The following NFASC variants were observed in gnomAD, a reference collection of about 807,000 sequenced individuals.
NFASC encodes neurofascin, also known as neurofascin homolog.
A neutral mutation model predicts 147.5 loss-of-function variants in NFASC; 43 were observed. The observed-to-expected ratio is 0.29, with a 90% CI of 0.23 to 0.38. NFASC has a LOEUF of 0.38. NFASC is among the 10% of genes least tolerant of loss of function. The probability of loss-of-function intolerance (pLI) is 1.00; values close to 1 mark genes in which losing one functional copy is unlikely to be tolerated. For synonymous variants in NFASC, 622 were observed against 665.5 expected, an observed-to-expected ratio of 0.93 and a Z score of 1.01; for missense variants, 1,320 against 1,689.0, an observed-to-expected ratio of 0.78 and a Z score of 3.83.
At position 204,981,933 on chromosome 1, in the gene NFASC, G is replaced by T. The variant is rs149978916; in HGVS notation, c.2383G>T (p.Val795Leu). 6.2e-7 allele frequency: 1 copy of T among 1,608,738 alleles called. No individual in the cohort carries two copies. Among genetic ancestry groups the T allele is most frequent in the African/African-American group, 1.3e-5 (1 of 74,688 alleles). The change falls in exon 21 of 30, where the codon GTG becomes TTG. Residue 795 changes from valine (V) to leucine (L), a missense_variant. Val to Leu is a conservative substitution (Grantham distance 32). This residue lies in a region of NFASC where 981 missense variants were observed against 1,289.5 expected (regional missense o/e 0.76). Transcript: ENST00000339876. ...CGTGGTGGGGCAGACCCCAGTCTAC[G>T]TGCCCTATGAGATCCGAGTCCAGGC... ...RYVVGQTPVYVPYEIRVQAEN... is the reference protein window; with the variant it reads ...RYVVGQTPVYLPYEIRVQAEN...
chr1:204,838,204 T>G (rs973599664), intron 1 of NFASC, among the ~76,000 whole-genome samples: 2 of 152,238 alleles, frequency 1.3e-5, no homozygotes, highest in African/African-American at 4.8e-5. Flanking sequence ...CATGAGCACT[T>G]GAAATGTGGC....
At chr1:204,901,966 G>A (rs991615202) in intron 1 of NFASC, among the ~76,000 whole-genome samples, 1 of 152,086 alleles carries the variant, frequency 6.6e-6, no homozygotes, top group African/African-American at 2.4e-5. Context: ...CTCAATCAAA[G>A]AATAAACAAG....
In NFASC at chr1:205,009,615, C is replaced by T. The variant is rs370430856; in HGVS notation, c.3348C>T (p.Cys1116=). The change falls in exon 28 of 30, where the codon TGC becomes TGT. Residue 1116 remains cysteine (C), a synonymous_variant. Coordinates refer to ENST00000339876, the MANE Select transcript of NFASC (RefSeq NM_001005388.3). Reference sequence around the variant, plus strand: ...AGGGCTGGTTCATTGGGCTTATGTGCGCCATCGCCCTCCTGGTGCTGATCC... The same window carrying T: ...AGGGCTGGTTCATTGGGCTTATGTGTGCCATCGCCCTCCTGGTGCTGATCC... ...ATQGWFIGLM[C]AIALLVLILL... is the part of the protein sequence containing the mutation. The T allele has an allele frequency of 1.7e-5, 28 of 1,613,962 alleles. No individual in the cohort carries two copies. Among genetic ancestry groups the T allele is most frequent in the Middle Eastern group, 1.6e-4 (1 of 6,084 alleles).
chr1:204,951,470 ATTT>A (rs72061574), intron 4 of NFASC, among the ~76,000 whole-genome samples: 1 of 134,588 alleles, frequency 7.4e-6, no homozygotes, highest in Non-Finnish European at 1.6e-5. Flanking sequence ...GGCCTATGGG[ATTT>A]TTTTTTTTTT....
chr1:204,970,792 G>A (rs755398717), intron 11 of NFASC, 45 bp downstream of exon 11: 1 of 1,612,754 alleles, frequency 6.2e-7, no homozygotes, highest in Non-Finnish European at 8.5e-7. Context: ...TCTCTCTGCT[G>A]TCAAAGGCTT....
In NFASC at chr1:204,838,646, T is replaced by A. The variant is rs182046861; in HGVS notation, c.-200+9864T>A. On this transcript the variant is annotated intron_variant, in intron 1 of 29. Transcript: ENST00000339876. The stretch of plus-strand genomic sequence containing the variant: ...TGGCCCTGAAAAGCTGGCTGTGGGG[T>A]GAGGTGGGGTGGGGTACAAATAATG... 7.2e-3 allele frequency among the ~76,000 whole-genome samples: 1,084 copies of A among 151,466 alleles called. 22 individuals carry two copies. The highest frequency in any genetic ancestry group is 0.025 in the African/African-American group (1,038 of 41,228).
At chr1:204,893,417 A>G (rs960330424) in intron 1 of NFASC, among the ~76,000 whole-genome samples, 1 of 152,150 alleles carries the variant, frequency 6.6e-6, no homozygotes, top group Admixed American at 6.5e-5. Flanking sequence ...AAGATTTCCC[A>G]GGGAGATTGT....
chr1:205,012,545 T>C (rs570542249), intron 28 of NFASC, among the ~76,000 whole-genome samples: 1 of 152,162 alleles, frequency 6.6e-6, no homozygotes, highest in East Asian at 1.9e-4. Flanking sequence ...GGGAGCTTGG[T>C]AGGAGGAGAT....
rs1221424420 is a variant in NFASC at position 205,018,593 on chromosome 1, G to C, written c.*2054G>C. Reference sequence around the variant, plus strand: ...GTGCAAGGGGACAGGGTAAACAGCAGGGGGTGGGGTGTGAGCTTGGAGGGC... The same window carrying C: ...GTGCAAGGGGACAGGGTAAACAGCACGGGGTGGGGTGTGAGCTTGGAGGGC... On this transcript the variant is annotated 3_prime_UTR_variant, in exon 30 of 30. Transcript: ENST00000339876. 6.5e-6 allele frequency: 1 copy of C among 152,728 alleles called. No homozygotes were observed. Among genetic ancestry groups the C allele is most frequent in the Non-Finnish European group, 1.5e-5 (1 of 68,088 alleles). The allele number at this position is 152,728 out of a possible 1,614,324, so 9.5% of individuals were successfully genotyped here. A position where few individuals can be genotyped will look rare whatever the true frequency, so the allele number is the denominator to read the frequency against.
In NFASC at chr1:205,009,670, C is replaced by T. The variant is rs1311571428; in HGVS notation, c.3403C>T (p.Arg1135Cys). Residue 1135 changes from arginine to cysteine, a missense_variant, in exon 28 of 30, where the codon CGC becomes TGC. By Grantham distance (180) the Arg-to-Cys change is radical (BLOSUM62 -3). Transcript: ENST00000339876. ...LLIVCFIKRS[R>C]GGKYPVREKK... is the part of the protein sequence containing the mutation. ...CATCGTCTGTTTCATCAAGAGGAGT[C>T]GCGGCGGCAAGTACCCAGGTGAGAT... The T allele has an allele frequency of 6.2e-7, 1 of 1,613,994 alleles. No individual in the cohort carries two copies.
intron 20 of NFASC, among the ~76,000 whole-genome samples, 158 bp from the exon 21 acceptor site, chr1:204,981,640 A>G (rs796140834): frequency 6.6e-6 from 1 of 152,310 alleles, no homozygotes; most frequent in African/African-American, 2.4e-5. Context: ...TGGGGGACTC[A>G]CTGGGGTGGG....
rs780591016 is a variant in NFASC at position 204,950,614 on chromosome 1, G to A, written c.109+40G>A. The A allele has an allele frequency of 1.9e-6, 3 of 1,602,158 alleles. No homozygotes were observed. The African/African-American group carries it at 4.0e-5, about 21-fold the overall frequency. ...TGCCTCTCTGTGCCTCTGGGAGTTG[G>A]GAGGGAGGAATGAGGCATGAGGTGA... On this transcript the variant is annotated intron_variant, in intron 4 of 29. Coordinates refer to ENST00000339876, the MANE Select transcript of NFASC (RefSeq NM_001005388.3).
intron 23 of NFASC, chr1:204,989,015 G>T: frequency 6.7e-6 from 4 of 594,868 alleles, no homozygotes; most frequent in Non-Finnish European, 1.2e-5. Context: ...GACCACTGTG[G>T]TCACACCTGG....
intron 1 of NFASC, among the ~76,000 whole-genome samples, chr1:204,869,105 C>A (rs1439946034): frequency 1.3e-5 from 2 of 152,288 alleles, no homozygotes; most frequent in African/African-American, 4.8e-5. Flanking sequence ...AACAGGAGCC[C>A]CTGTGAAAAG....
intron 2 of NFASC, among the ~76,000 whole-genome samples, chr1:204,935,660 G>C (rs530707375): frequency 3.3e-5 from 5 of 152,232 alleles, no homozygotes; most frequent in Admixed American, 6.5e-5. Context: ...GTCTGCATGG[G>C]GTATAAGTAG....
At chr1:204,916,067 C>T (rs755453769) in intron 1 of NFASC, among the ~76,000 whole-genome samples, 1 of 152,190 alleles carries the variant, frequency 6.6e-6, no homozygotes, top group African/African-American at 2.4e-5. Context: ...CAGCCCAGAC[C>T]TCATTCAGAG....
intron 1 of NFASC, among the ~76,000 whole-genome samples, chr1:204,904,954 C>G (rs527371564): frequency 6.6e-6 from 1 of 152,282 alleles, no homozygotes; most frequent in East Asian, 1.9e-4. Flanking sequence ...CCACCCCCAA[C>G]AAAAGCTAGG....
chr1:204,850,027 T>C (rs533616780), intron 1 of NFASC, among the ~76,000 whole-genome samples: 1 of 152,220 alleles, frequency 6.6e-6, no homozygotes. Flanking sequence ...TTTCCTGCAG[T>C]GGGCTCTGGA....
At chr1:204,978,757 G>C (rs116145346) in intron 17 of NFASC, among the ~76,000 whole-genome samples, 10 of 152,162 alleles carry the variant, frequency 6.6e-5, no homozygotes, top group Non-Finnish European at 4.4e-5. Context: ...TTCTTTGTGG[G>C]GGGGGGCTGG....
Sources: allele counts gnomAD v4.1 joint callset (sites outside exome capture counted in the v4.1 genomes callset), GRCh38; gene constraint gnomAD v4.1.1; regional missense constraint gnomAD v4.1.1; transcripts MANE v1.5; gene names NCBI Gene and HGNC (gene_info 2026-07-23, HGNC 2026-07-21).